OR1J2: variants seen among roughly 807,000 people sequenced by gnomAD.
OR1J2 encodes the protein olfactory receptor 1J2.
For synonymous variants in OR1J2, 142 were observed against 99.7 expected (o/e 1.42, Z -2.52); for missense variants, 304 against 246.1 (o/e 1.24, Z -1.57).
At chr9:122,467,945 C>A in the OR1J2 span, among the ~76,000 whole-genome samples, 2 of 152,218 alleles carry the variant, frequency 1.3e-5, no homozygotes, top group African/African-American at 4.8e-5. Context: ...ATCAAGCCAA[C>A]CAATATCTTC....
chr9:122,509,969 G>A (rs1029635308), upstream of OR1J2, among the ~76,000 whole-genome samples: 3 of 152,042 alleles, frequency 2.0e-5, no homozygotes, highest in Non-Finnish European at 4.4e-5. Flanking sequence ...ACACAGGGAG[G>A]GGAACAACAC....
At chr9:122,551,603 A>C in the OR1J2 span, among the ~76,000 whole-genome samples, 17 of 152,260 alleles carry the variant, frequency 1.1e-4, no homozygotes, top group African/African-American at 4.1e-4. Context: ...GTCAGGCTGA[A>C]GTACACTGCA....
At chr9:122,500,024 T>C in the OR1J2 span, among the ~76,000 whole-genome samples, 1 of 152,196 alleles carries the variant, frequency 6.6e-6, no homozygotes, top group Non-Finnish European at 1.5e-5. Context: ...TGAAACACTT[T>C]CCATAGTTCT....
the OR1J2 span, among the ~76,000 whole-genome samples, chr9:122,541,354 CGACTT>C: frequency 1.3e-5 from 2 of 152,190 alleles, no homozygotes; most frequent in South Asian, 4.1e-4. Context: ...TGGTGCCTCT[CGACTT>C]GAGAGTGAAA....
downstream of OR1J2, among the ~76,000 whole-genome samples, chr9:122,512,086 A>C (rs575094433): frequency 1.3e-5 from 2 of 152,324 alleles, no homozygotes; most frequent in Admixed American, 6.5e-5. Flanking sequence ...TTAACACAAC[A>C]TAGAATTGAA....
the OR1J2 span, chr9:122,567,981 C>T: frequency 2.7e-5 from 44 of 1,613,916 alleles, no homozygotes; most frequent in Middle Eastern, 3.3e-4. Context: ...GAAGGTGAGA[C>T]GATTCAGCAG....
the OR1J2 span, among the ~76,000 whole-genome samples, chr9:122,522,027 A>G: frequency 7.9e-4 from 120 of 152,338 alleles, no homozygotes; most frequent in African/African-American, 2.7e-3. Context: ...CCCAAAGCAC[A>G]CTGGGGTGCA....
At chr9:122,469,585 C>G in the OR1J2 span, among the ~76,000 whole-genome samples, 1 of 152,178 alleles carries the variant, frequency 6.6e-6, no homozygotes, top group Non-Finnish European at 1.5e-5. Flanking sequence ...TGAAAAGATA[C>G]CCGAAAATGT....
the OR1J2 span, among the ~76,000 whole-genome samples, chr9:122,570,476 C>G: frequency 6.6e-6 from 1 of 152,144 alleles, no homozygotes; most frequent in African/African-American, 2.4e-5. Context: ...TTACATTTTT[C>G]TTGTAAGTTA....
the OR1J2 span, among the ~76,000 whole-genome samples, chr9:122,470,467 AG>A: frequency 6.6e-6 from 1 of 152,332 alleles, no homozygotes; most frequent in African/African-American, 2.4e-5. Context: ...AGTTTGCTGC[AG>A]GGGTGGGGCT....
chr9:122,480,098 C>A, the OR1J2 span, among the ~76,000 whole-genome samples: 1 of 151,966 alleles, frequency 6.6e-6, no homozygotes, highest in African/African-American at 2.4e-5. Flanking sequence ...TCAAAGTACT[C>A]TTTTTTTTAA....
downstream of OR1J2, among the ~76,000 whole-genome samples, chr9:122,513,503 A>G (rs1391831076): frequency 6.7e-6 from 1 of 150,002 alleles, no homozygotes; most frequent in Non-Finnish European, 1.5e-5. Context: ...CTGAACTTCC[A>G]TTGTTCATGT....
At chr9:122,521,957 C>T in the OR1J2 span, among the ~76,000 whole-genome samples, 2 of 152,232 alleles carry the variant, frequency 1.3e-5, no homozygotes, top group African/African-American at 2.4e-5. Flanking sequence ...AGTGTTTCAT[C>T]ACTATCTGTC....
the OR1J2 span, among the ~76,000 whole-genome samples, chr9:122,523,784 T>C: frequency 6.6e-6 from 1 of 152,152 alleles, no homozygotes; most frequent in East Asian, 1.9e-4. Context: ...CTGAAGACCA[T>C]TTGCTTCTTA....
chr9:122,466,734 A>G, the OR1J2 span, among the ~76,000 whole-genome samples: 1 of 152,126 alleles, frequency 6.6e-6, no homozygotes, highest in South Asian at 2.1e-4. Context: ...GACCACTTTC[A>G]GTGAAGGGGC....
At chr9:122,567,878 C>G in the OR1J2 span, 1 of 1,614,006 alleles carries the variant, frequency 6.2e-7, no homozygotes, top group East Asian at 2.2e-5. Context: ...CTTCTGTCAT[C>G]TGCACAATTT....
the OR1J2 span, chr9:122,519,028 G>A: frequency 7.0e-6 from 5 of 710,734 alleles, no homozygotes; most frequent in South Asian, 7.4e-5. Flanking sequence ...ACAGACATTG[G>A]CATATTCATC....
chr9:122,453,641 A>G, the OR1J2 span, among the ~76,000 whole-genome samples: 33 of 152,314 alleles, frequency 2.2e-4, no homozygotes, highest in East Asian at 6.0e-3. Flanking sequence ...CGTATTGGAA[A>G]TTCCAGGGTG....
the OR1J2 span, among the ~76,000 whole-genome samples, chr9:122,538,518 G>A: frequency 6.6e-5 from 10 of 152,204 alleles, no homozygotes; most frequent in East Asian, 1.5e-3. Context: ...TTATCAGATC[G>A]GTGAGTCTTT....
Sources: allele counts gnomAD v4.1 joint callset (sites outside exome capture counted in the v4.1 genomes callset), GRCh38; gene constraint gnomAD v4.1.1; transcripts MANE v1.5; gene names NCBI Gene and HGNC (gene_info 2026-07-23, HGNC 2026-07-21).